Variants in KRI1 observed in about 807,000 individuals in gnomAD.
KRI1 encodes KRI1 homolog.
In KRI1, 83 loss-of-function variants were observed where a neutral mutation model predicts 97.0. That is an observed-to-expected ratio of 0.86 (90% CI 0.72 to 1.03). The LOEUF (loss-of-function observed/expected upper bound fraction) is 1.03, where lower values mean the gene tolerates loss of function less well. Ranked by LOEUF, KRI1 falls within the 50% of genes least tolerant of loss-of-function variation. The pLI is 0.00. For synonymous variants in KRI1, 371 were observed against 363.5 expected, an observed-to-expected ratio of 1.02 and a Z score of -0.23; for missense variants, 916 against 928.4, an observed-to-expected ratio of 0.99 and a Z score of 0.17.
intron 6 of KRI1, 83 bp from the exon 7 acceptor site, chr19:10,561,348 T>TG: frequency 7.7e-7 from 1 of 1,292,822 alleles, no homozygotes; most frequent in Non-Finnish European, 1.1e-6. Flanking sequence ...TTTGTAGAGC[T>TG]GGGGTCTCAC....
At position 10,555,030 on chromosome 19, in the gene KRI1, C is replaced by T. The variant is rs1402924952; in HGVS notation, c.1781+57G>A. On this transcript the variant is annotated intron_variant, in intron 18 of 18. Transcript: ENST00000312962. ...CAACAAGAGGTTGACGGAGCCAAGA[C>T]TCAAGCCTGGGCCTGACAGGCTCCC... 3 of 1,430,334 alleles carry T rather than the reference C, an allele frequency of 2.1e-6. No individual in the cohort carries two copies. In the African/African-American group the frequency reaches 4.2e-5, roughly 20 times the overall value. The allele number at this position is 1,430,334 out of a possible 1,614,324, so 88.6% of individuals were successfully genotyped here.
chr19:10,561,491 C>A (rs1199516306), intron 6 of KRI1, among the ~76,000 whole-genome samples, 176 bp downstream of exon 6: 1 of 152,124 alleles, frequency 6.6e-6, no homozygotes, highest in Non-Finnish European at 1.5e-5. Context: ...ATTTACTAAG[C>A]CCTGAGCTCT....
rs1916360247 is a variant in KRI1 at position 10,553,205 on chromosome 19, G to A, written c.*746C>T. 2 of 1,128,578 alleles carry A rather than the reference G, an allele frequency of 1.8e-6. No homozygotes were observed. The highest frequency in any genetic ancestry group is 2.6e-5 in the East Asian group (1 of 38,560). The allele number at this position is 1,128,578 out of a possible 1,614,324, so 69.9% of individuals were successfully genotyped here. ...TCAAGCCCAGCTGCAACCAGTCTGG[G>A]GCCATTCAGCCAGGGACAGAGCCCA... On this transcript the variant is annotated 3_prime_UTR_variant, in exon 19 of 19. Coordinates refer to ENST00000312962, the MANE Select transcript of KRI1 (RefSeq NM_023008.5).
intron 3 of KRI1, 150 bp from the exon 4 acceptor site, chr19:10,562,987 C>T (rs1339146073): frequency 1.7e-6 from 1 of 593,246 alleles, no homozygotes; most frequent in African/African-American, 1.8e-5. Context: ...TGCTTGTCAC[C>T]ATCTGGTGGG....
At chr19:10,559,336 T>C (rs1421222652) in intron 12 of KRI1, 23 bp downstream of exon 12, 1 of 1,606,434 alleles carries the variant, frequency 6.2e-7, no homozygotes, top group Non-Finnish European at 8.5e-7. Flanking sequence ...CAGCGTCATG[T>C]TGGGCCGGGA....
rs764872061 is a variant in KRI1 at position 10,564,953 on chromosome 19, C to A, written c.250G>T (p.Asp84Tyr). Reference sequence around the variant, plus strand: ...CCTGTTCTGTTATAGAAGGTGGCATCTTTCTGATAAATGCGGGGGTCCTTC... The same window carrying A: ...CCTGTTCTGTTATAGAAGGTGGCATATTTCTGATAAATGCGGGGGTCCTTC... The part of the protein sequence containing the change: ...KKKDPRIYQK[D>Y]ATFYNRTASS... The change falls in exon 3 of 19, where the codon GAT becomes TAT. Residue 84 changes from aspartate (D) to tyrosine (Y), a missense_variant. Around this residue, in one of 3 missense-constraint regions of KRI1, gnomAD observed 173 missense variants for 153.1 expected, o/e 1.13. Coordinates refer to ENST00000312962, the MANE Select transcript of KRI1 (RefSeq NM_023008.5). The A allele has an allele frequency of 6.2e-7, 1 of 1,613,218 alleles. No individual in the cohort carries two copies. The highest frequency in any genetic ancestry group is 8.5e-7 in the Non-Finnish European group (1 of 1,179,258).
chr19:10,559,419 G>A lies in KRI1; in HGVS notation c.1134C>T (p.Gly378=), dbSNP rs1916620082. Residue 378 remains glycine (G), a synonymous_variant, in exon 12 of 19, where the codon GGC becomes GGT. Transcript: ENST00000312962. The part of the protein sequence containing the change: ...LRKVTGNEML[G]LEEGDLEDDF... ...CGTCTTCAAGGTCCCCCTCCTCGAG[G>A]CCCAGCATCTCGTTGCCTGTTACTT... The A allele has an allele frequency of 6.2e-7, 1 of 1,614,124 alleles. No individual in the cohort carries two copies.
Position 10,557,651 on chromosome 19 carries a change from C to T in KRI1, c.1518G>A (p.Glu506=), listed in dbSNP as rs1451416657. 6.2e-7 allele frequency: 1 copy of T among 1,614,208 alleles called. No individual in the cohort carries two copies. The highest frequency in any genetic ancestry group is 1.7e-5 in the Admixed American group (1 of 60,024). ...TGTCCTCGTAGTCCAGCCGGTAATA[C>T]TCATCCAGGTACTCCTCGAACGTCT... ...GDKTFEEYLD[E]YYRLDYEDII... is the part of the protein sequence containing the mutation. Residue 506 remains glutamate (E), a synonymous_variant, in exon 16 of 19, where the codon GAG becomes GAA. Coordinates refer to ENST00000312962, the MANE Select transcript of KRI1 (RefSeq NM_023008.5).
rs1242216588 is a variant in KRI1, at chr19:10,557,895, T to A, written c.1360A>T (p.Met454Leu). ...ELHCEDPNFNMDADYDPSQPR... is the reference protein window; with the variant it reads ...ELHCEDPNFNLDADYDPSQPR... ...TGGCTGGGGTCGTAGTCGGCGTCCATCTGCCAGGACGCACAGGTCAGATCC... is the reference window on the plus strand; with the variant it reads ...TGGCTGGGGTCGTAGTCGGCGTCCAACTGCCAGGACGCACAGGTCAGATCC... Residue 454 changes from methionine (M) to leucine (L), a missense_variant and splice_region_variant, in exon 15 of 19, where the codon ATG (methionine) becomes TTG (leucine). Physicochemically the swap from Met to Leu is conservative, Grantham distance 15 (BLOSUM62 2). This residue lies in a region of KRI1 where 672 missense variants were observed against 667.2 expected (regional missense o/e 1.01). Transcript: ENST00000312962. The A allele has an allele frequency of 1.9e-6, 3 of 1,613,576 alleles. No homozygotes were observed. The highest frequency in any genetic ancestry group is 2.5e-6 in the Non-Finnish European group (3 of 1,179,836).
At chr19:10,560,013 G>T (rs1394464209) in intron 9 of KRI1, 77 bp from the exon 10 acceptor site, 3 of 1,526,896 alleles carry the variant, frequency 2.0e-6, no homozygotes, top group South Asian at 1.2e-5. Context: ...GCCTGGGTAC[G>T]AAGCGTATGA....
chr19:10,557,968 C>A lies in KRI1; in HGVS notation c.1359+4G>T. 1 of 1,614,096 alleles carries A rather than the reference C, an allele frequency of 6.2e-7. No homozygotes were observed. The highest frequency in any genetic ancestry group is 8.5e-7 in the Non-Finnish European group (1 of 1,180,020). On this transcript the variant is annotated splice_donor_region_variant and intron_variant, in intron 14 of 18. Transcript: ENST00000312962. ...CTGGGACTCCCTCAACCCGTGATAC[C>A]TACGTTGAAGTTGGGGTCCTCACAG...
In KRI1 at chr19:10,558,114, TCCCAGTC is replaced by T. The variant is rs541541694; in HGVS notation, c.1270+43_1270+49del. 289 of 1,612,674 alleles carry T rather than the reference TCCCAGTC, an allele frequency of 1.8e-4. 2 individuals carry two copies. In the East Asian group the frequency reaches 6.3e-3, roughly 35 times the overall value. ...GCCAGGGTGGGACCTTGGGCTTCAG[TCCCAGTC>T]CCCAGTCCCCAATCCCCAGCCCAGT... On this transcript the variant is annotated intron_variant, in intron 13 of 18. Coordinates refer to ENST00000312962, the MANE Select transcript of KRI1 (RefSeq NM_023008.5).
At chr19:10,565,860 C>T in intron 1 of KRI1, 46 bp downstream of exon 1, 1 of 1,537,036 alleles carries the variant, frequency 6.5e-7, no homozygotes, top group Non-Finnish European at 8.8e-7. Context: ...CACTTCCCAA[C>T]CGGCCGGCGC....
chr19:10,561,138 C>T (rs747342006), intron 7 of KRI1, 31 bp downstream of exon 7: 15 of 1,612,748 alleles, frequency 9.3e-6, no homozygotes, highest in Non-Finnish European at 1.2e-5. Flanking sequence ...CACCCTGTCC[C>T]CCAGCAGTCC....
At chr19:10,557,313 G>A (rs559649577) in intron 16 of KRI1, among the ~76,000 whole-genome samples, 15 of 152,078 alleles carry the variant, frequency 9.9e-5, no homozygotes, top group African/African-American at 1.9e-4. Context: ...CACCACGTTG[G>A]CCAGGCTGGT....
Position 10,555,078 on chromosome 19 carries a change from A to G in KRI1, c.1781+9T>C, listed in dbSNP as rs369724953. On this transcript the variant is annotated intron_variant, in intron 18 of 18. Coordinates refer to ENST00000312962, the MANE Select transcript of KRI1 (RefSeq NM_023008.5). ...CCCCACCCACGCTTCCCCAGCCAGC[A>G]CTGCTTACTCTTCTCGGCAGAGTGA... 2 of 1,612,152 alleles carry G rather than the reference A, an allele frequency of 1.2e-6. No individual in the cohort carries two copies. The highest frequency in any genetic ancestry group is 1.7e-6 in the Non-Finnish European group (2 of 1,178,562).
intron 8 of KRI1, 109 bp from the exon 9 acceptor site, chr19:10,560,557 C>G: frequency 1.3e-6 from 1 of 785,976 alleles, no homozygotes; most frequent in African/African-American, 1.7e-5. Flanking sequence ...TGACATTAGC[C>G]CCATTTTGGT....
rs532211607 is a variant in KRI1 at position 10,557,250 on chromosome 19, G to A, written c.1617+302C>T. Reference sequence around the variant, plus strand: ...CTCCCAAGTAGCTGGGACTACAGGCGCCTGCCACCATGCCTGGCTAATTTT... The same window carrying A: ...CTCCCAAGTAGCTGGGACTACAGGCACCTGCCACCATGCCTGGCTAATTTT... On this transcript the variant is annotated intron_variant, in intron 16 of 18. Coordinates refer to ENST00000312962, the MANE Select transcript of KRI1 (RefSeq NM_023008.5). Among the ~76,000 whole-genome samples, 31 of 151,428 alleles carry A rather than the reference G, an allele frequency of 2.0e-4. No individual in the cohort carries two copies. The East Asian group carries it at 5.5e-3, about 27-fold the overall frequency.
Position 10,557,775 on chromosome 19 carries a change from C to G in KRI1, c.1480G>C (p.Glu494Gln). The change falls in exon 15 of 19, where the codon GAA becomes CAA. Residue 494 changes from glutamate to glutamine, a missense_variant. This residue lies in a region of KRI1 where 672 missense variants were observed against 667.2 expected (regional missense o/e 1.01). Coordinates refer to ENST00000312962, the MANE Select transcript of KRI1 (RefSeq NM_023008.5). ...CTGCCCACCTGGGCCTCACCGGGTTCAAACACGGGCTTCTCCTGCCCCACG... is the reference window on the plus strand; with the variant it reads ...CTGCCCACCTGGGCCTCACCGGGTTGAAACACGGGCTTCTCCTGCCCCACG... The part of the protein sequence containing the change: ...AAVGQEKPVF[E>Q]PGDKTFEEYL... 3 of 1,613,438 alleles carry G rather than the reference C, an allele frequency of 1.9e-6. No homozygotes were observed. The South Asian group carries it at 3.3e-5, about 18-fold the overall frequency.
Sources: gnomAD v4.1 joint callset for allele counts (sites outside exome capture counted in the v4.1 genomes callset) on GRCh38, gnomAD v4.1.1 for gene constraint, gnomAD v4.1.1 regional missense constraint, MANE v1.5 for transcripts, NCBI Gene and HGNC (gene_info 2026-07-23, HGNC 2026-07-21) for gene names.